MICALL2: variants seen among roughly 807,000 people sequenced by gnomAD.
MICALL2 encodes MICAL-like protein 2.
In MICALL2, 111 loss-of-function variants were observed where a neutral mutation model predicts 91.1. That is an observed-to-expected ratio of 1.22 (90% CI 1.04 to 1.43). The LOEUF (loss-of-function observed/expected upper bound fraction) is 1.43. Ranked by LOEUF, MICALL2 falls within the 40% of genes most tolerant of loss-of-function variation. The pLI, the probability that MICALL2 is intolerant of heterozygous loss-of-function variation, is 0.00. For synonymous variants in MICALL2, 694 were observed against 525.3 expected (o/e 1.32, Z -4.39); for missense variants, 1,556 against 1,236.0 (o/e 1.26, Z -3.88).
chr7:1,446,559 AGACGGG>A, intron 5 of MICALL2, 148 bp downstream of exon 5: 2 of 492,306 alleles, frequency 4.1e-6, no homozygotes, highest in Admixed American at 3.0e-5. Context: ...GGAGGAGGGG[AGACGGG>A]GAGGGGGAGG....
At chr7:1,442,772 T>G (rs917116254) in intron 6 of MICALL2, among the ~76,000 whole-genome samples, 1 of 152,018 alleles carries the variant, frequency 6.6e-6, no homozygotes, top group Admixed American at 6.6e-5. Flanking sequence ...CATGAGCATA[T>G]GCTGTGGTTG....
intron 1 of MICALL2, among the ~76,000 whole-genome samples, chr7:1,454,133 G>A (rs193129253): frequency 4.3e-5 from 6 of 139,610 alleles, no homozygotes; most frequent in Admixed American, 2.1e-4. Context: ...ACATCACACT[G>A]TTTACTTCCT....
intron 5 of MICALL2, 60 bp downstream of exon 5, chr7:1,446,653 G>T: frequency 7.7e-7 from 1 of 1,300,200 alleles, no homozygotes; most frequent in Non-Finnish European, 1.1e-6. Context: ...GATGGGAGCT[G>T]TGGGAGGGTT....
chr7:1,446,584 G>T lies in MICALL2; in HGVS notation c.641+129C>A, dbSNP rs1324674398. 6.6e-6 allele frequency: 4 copies of T among 604,910 alleles called. No homozygotes were observed. The Admixed American group carries it at 9.1e-5, about 14-fold the overall frequency. The allele number at this position is 604,910 out of a possible 1,614,324, so 37.5% of individuals were successfully genotyped here. A position where few individuals can be genotyped will look rare whatever the true frequency, so the allele number is the denominator to read the frequency against. ...AGACGGGGAGGGGGAGGGGGGAGGA[G>T]GGGAGAGGGGAGAGGGGAGAGGAAC... On this transcript the variant is annotated intron_variant, in intron 5 of 16. Coordinates refer to ENST00000297508, the MANE Select transcript of MICALL2 (RefSeq NM_182924.4).
Position 1,438,351 on chromosome 7 carries a change from TC to T in MICALL2, c.2124del (p.Arg709AspfsTer16), listed in dbSNP as rs1160043831. 6.2e-7 allele frequency: 1 copy of T among 1,601,448 alleles called. No homozygotes were observed. The highest frequency in any genetic ancestry group is 1.7e-5 in the Admixed American group (1 of 58,660). ...GGGACATTGGCCGGGGACAAGGGTC[TC>T]CCTGGAGAAGGAGCAGGGTGAGCCT... Reference protein sequence around the residue: ...EKKPHLQGKPGRPLSPANVPA... With the variant: ...EKKPHLQGKPXRPLSPANVPA... On this transcript the variant is annotated frameshift_variant and splice_region_variant, in exon 11 of 17. Transcript: ENST00000297508. LOFTEE classifies it high-confidence loss of function.
intron 6 of MICALL2, 139 bp from the exon 7 acceptor site, chr7:1,442,623 A>AC (rs1184352492): frequency 4.3e-5 from 33 of 767,098 alleles, no homozygotes; most frequent in South Asian, 1.4e-4. Context: ...ACCCCAGGCC[A>AC]CCCTCCACCT....
Position 1,445,398 on chromosome 7 carries a change from C to G in MICALL2, c.672G>C (p.Ser224=). ...GCTCTCCTGTGGCCTTGTAGGCCCCCGAGTGCAGCGTGCAGGAGCACTGCT... is the reference window on the plus strand; with the variant it reads ...GCTCTCCTGTGGCCTTGTAGGCCCCGGAGTGCAGCGTGCAGGAGCACTGCT... The part of the protein sequence containing the change: ...RCKQCSCTLH[S]GAYKATGEPG... The change falls in exon 6 of 17, where the codon TCG becomes TCC. Residue 224 remains serine (S), a synonymous_variant. Transcript: ENST00000297508. 1.9e-6 allele frequency: 3 copies of G among 1,564,728 alleles called. No homozygotes were observed. The highest frequency in any genetic ancestry group is 2.6e-6 in the Non-Finnish European group (3 of 1,162,310).
rs141022425 is a variant in MICALL2 at position 1,455,620 on chromosome 7, C to T, written c.143+3564G>A. On this transcript the variant is annotated intron_variant, in intron 1 of 16. Transcript: ENST00000297508. The stretch of plus-strand genomic sequence containing the variant: ...CCGGAACATGGTACACAGGAATGTC[C>T]GGATCCCCGCCCCCTCCACCCGGGG... Among the ~76,000 whole-genome samples, 787 of 148,862 alleles carry T rather than the reference C, an allele frequency of 5.3e-3. 23 individuals are homozygous for T. The highest frequency in any genetic ancestry group is 0.017 in the Middle Eastern group (5 of 292).
chr7:1,434,984 C>CCGGGG, intron 16 of MICALL2, 117 bp downstream of exon 16: 56 of 448,972 alleles, frequency 1.2e-4, no homozygotes, highest in East Asian at 4.8e-4. Flanking sequence ...ACCCGATACC[C>CCGGGG]GCCCCCCCCC....
chr7:1,456,954 C>T (rs1781040309), intron 1 of MICALL2, among the ~76,000 whole-genome samples: 1 of 152,200 alleles, frequency 6.6e-6, no homozygotes. Flanking sequence ...GCCACAAACT[C>T]TGGGGCTTAA....
At chr7:1,457,307 C>G (rs1404216233) in intron 1 of MICALL2, among the ~76,000 whole-genome samples, 1 of 152,238 alleles carries the variant, frequency 6.6e-6, no homozygotes, top group Non-Finnish European at 1.5e-5. Flanking sequence ...AGCCCCCACC[C>G]TCTGGAGCTG....
At chr7:1,446,582 G>A in intron 5 of MICALL2, 131 bp downstream of exon 5, 1 of 589,986 alleles carries the variant, frequency 1.7e-6, no homozygotes, top group Non-Finnish European at 3.1e-6. Context: ...GAGGGGGGAG[G>A]AGGGGAGAGG....
chr7:1,442,991 C>A (rs1338359349), intron 6 of MICALL2, among the ~76,000 whole-genome samples: 2 of 152,118 alleles, frequency 1.3e-5, no homozygotes, highest in African/African-American at 4.8e-5. Context: ...GCCTTCCTGC[C>A]TTCCCTCAGG....
At chr7:1,435,984 A>G (rs374700786) in intron 15 of MICALL2, among the ~76,000 whole-genome samples, 31 of 149,266 alleles carry the variant, frequency 2.1e-4, no homozygotes, top group East Asian at 9.7e-4. Flanking sequence ...CCCTGGAGGC[A>G]GAGCTTGCAG....
chr7:1,446,679 C>A, intron 5 of MICALL2, 34 bp downstream of exon 5: 2 of 1,489,674 alleles, frequency 1.3e-6, no homozygotes, highest in East Asian at 2.4e-5. Context: ...AGGGGAGGTG[C>A]ACACTCAGGC....
At chr7:1,436,396 A>ACAAAAACAAAAACAAAAT (rs1211007709) in intron 15 of MICALL2, among the ~76,000 whole-genome samples, 29 of 150,060 alleles carry the variant, frequency 1.9e-4, no homozygotes, top group Non-Finnish European at 1.3e-4. Context: ...AAAAACAAAA[A>ACAAAAACAAAAACAAAAT]CAAAAAATTA....
In MICALL2 at chr7:1,459,100, C is replaced by G. The variant is rs57859515; in HGVS notation, c.143+84G>C. The G allele has an allele frequency of 0.015, 21,818 of 1,427,610 alleles. 2,410 individuals are homozygous for G. The African/African-American group carries it at 0.26, about 17-fold the overall frequency. 88.4% of individuals were successfully genotyped at this position (1,427,610 alleles called of 1,614,324 possible). A position where few individuals can be genotyped will look rare whatever the true frequency, so the allele number is the denominator to read the frequency against. On this transcript the variant is annotated intron_variant, in intron 1 of 16. Transcript: ENST00000297508. ...TCCCACGCCTCGGCTCCCCATCCCC[C>G]AGCCGCCCGGGCCTCAGTTTCCCCG...
intron 1 of MICALL2, among the ~76,000 whole-genome samples, chr7:1,450,985 G>C (rs977098489): frequency 1.3e-5 from 2 of 152,214 alleles, no homozygotes; most frequent in African/African-American, 2.4e-5. Flanking sequence ...ACCTGCCCCA[G>C]GTCACACAGC....
rs199779098 is a variant in MICALL2 at position 1,438,338 on chromosome 7, G to A, written c.2138C>T (p.Pro713Leu). Residue 713 changes from proline to leucine, a missense_variant, in exon 11 of 17, where the codon CCG becomes CTG. Physicochemically the swap from Pro to Leu is moderately conservative, Grantham distance 98. Transcript: ENST00000297508. ...LQGKPGRPLS[P>L]ANVPALPGET... is the part of the protein sequence containing the mutation. The stretch of plus-strand genomic sequence containing the variant: ...GCCAGGCAGAGCAGGGACATTGGCC[G>A]GGGACAAGGGTCTCCCTGGAGAAGG... 56 of 1,603,392 alleles carry A rather than the reference G, an allele frequency of 3.5e-5. No individual in the cohort carries two copies. In the East Asian group the frequency reaches 6.7e-4, roughly 19 times the overall value.
Sources: gnomAD v4.1 joint callset for allele counts (sites outside exome capture counted in the v4.1 genomes callset) on GRCh38, gnomAD v4.1.1 for gene constraint, MANE v1.5 for transcripts, NCBI Gene and HGNC (gene_info 2026-07-23, HGNC 2026-07-21) for gene names.